Variants in PCDHGB1 observed in about 807,000 individuals in gnomAD.
PCDHGB1 encodes protocadherin gamma-B1.
Under a neutral mutation model 56.6 loss-of-function variants are expected in PCDHGB1, and 34 were observed. The observed-to-expected ratio is 0.60, with a 90% CI of 0.46 to 0.80. The LOEUF (loss-of-function observed/expected upper bound fraction) is 0.80, where lower values mean the gene tolerates loss of function less well. PCDHGB1 is among the 30% of genes least tolerant of loss of function. The pLI is 0.00. For missense variants in PCDHGB1, 1,278 were observed against 1,204.6 expected (o/e 1.06, Z -0.90); for synonymous variants, 561 against 505.9 (o/e 1.11, Z -1.46).
chr5:141,356,762 A>T lies in PCDHGB1; in HGVS notation c.2409+4093A>T, dbSNP rs1431097659. 9 of 1,613,834 alleles carry T rather than the reference A, an allele frequency of 5.6e-6. No homozygotes were observed. The South Asian group carries it at 8.8e-5, about 16-fold the overall frequency. On this transcript the variant is annotated intron_variant, in intron 1 of 3. Transcript: ENST00000523390. ...ATCCTATATGCTCTTTGCTCCTTCG[A>T]CTATGAGCAGTTTAGAGACCTGCAG...
At chr5:141,352,825 T>C (rs1759120516) in intron 1 of PCDHGB1, 156 bp downstream of exon 1, 2 of 778,004 alleles carry the variant, frequency 2.6e-6, no homozygotes, top group Non-Finnish European at 4.0e-6. Flanking sequence ...CCCGGTCTAC[T>C]AAAATTACAA....
chr5:141,375,809 G>A (rs912938777), intron 1 of PCDHGB1: 92 of 1,614,084 alleles, frequency 5.7e-5, no homozygotes, highest in Non-Finnish European at 7.3e-5. Flanking sequence ...CACTGGCGTG[G>A]AGCTGGCGCC....
At chr5:141,425,110 C>T (rs1335909720) in intron 1 of PCDHGB1, among the ~76,000 whole-genome samples, 1 of 152,166 alleles carries the variant, frequency 6.6e-6, no homozygotes, top group East Asian at 1.9e-4. Context: ...CAGATGCCTA[C>T]ATTTTTCTTG....
At chr5:141,482,761 ATT>A (rs2099571906) in intron 1 of PCDHGB1, among the ~76,000 whole-genome samples, 1 of 127,370 alleles carries the variant, frequency 7.9e-6, no homozygotes, top group Admixed American at 7.7e-5. Flanking sequence ...ATGGTATTTC[ATT>A]ATCACTGAAC....
At chr5:141,464,913 AT>A (rs1366203949) in intron 1 of PCDHGB1, among the ~76,000 whole-genome samples, 1 of 151,428 alleles carries the variant, frequency 6.6e-6, no homozygotes, top group Non-Finnish European at 1.5e-5. Context: ...TAATTTTTTT[AT>A]TTTTTTGTAG....
Position 141,394,523 on chromosome 5 carries a change from C to A in PCDHGB1, c.2409+41854C>A, listed in dbSNP as rs373702756. ...TCCTGTACCCCGCCCTCCCCACAGACGGTTCCACTGGCGTGGAGCTGGCGC... is the reference window on the plus strand; with the variant it reads ...TCCTGTACCCCGCCCTCCCCACAGAAGGTTCCACTGGCGTGGAGCTGGCGC... On this transcript the variant is annotated intron_variant, in intron 1 of 3. Transcript: ENST00000523390. The A allele has an allele frequency of 1.1e-5, 17 of 1,614,116 alleles. No homozygotes were observed. The highest frequency in any genetic ancestry group is 5.3e-5 in the African/African-American group (4 of 74,950).
chr5:141,428,055 G>C (rs1232516220), intron 1 of PCDHGB1: 8 of 1,608,952 alleles, frequency 5.0e-6, no homozygotes, highest in African/African-American at 1.3e-5. Context: ...CAAGGTGGTG[G>C]CGGTGGACGC....
chr5:141,487,109 G>A lies in PCDHGB1; in HGVS notation c.2410-7698G>A. 2 of 1,614,122 alleles carry A rather than the reference G, an allele frequency of 1.2e-6. No homozygotes were observed. Among genetic ancestry groups the A allele is most frequent in the Non-Finnish European group, 1.7e-6 (2 of 1,180,004 alleles). ...CCTCCCACCACAGAAGCTGGTCATTGTGGTAAAGGATAGTGGTAGTCCACC... is the reference window on the plus strand; with the variant it reads ...CCTCCCACCACAGAAGCTGGTCATTATGGTAAAGGATAGTGGTAGTCCACC... On this transcript the variant is annotated intron_variant, in intron 1 of 3. Transcript: ENST00000523390. This position sits in a 1 kb window ranked among gnomAD's most constrained non-coding sequence, Gnocchi z 5.0.
At chr5:141,440,275 T>C (rs913705052) in intron 1 of PCDHGB1, 14 of 152,120 alleles carry the variant, frequency 9.2e-5, no homozygotes, top group African/African-American at 3.1e-4. Flanking sequence ...GAGACCAGCC[T>C]GACCAACATA....
At position 141,393,973 on chromosome 5, in the gene PCDHGB1, G is replaced by A. The variant is rs776954838; in HGVS notation, c.2409+41304G>A. ...AATGGTCAAGTTGTCTGTTACACAC[G>A]TGATAATTTACCTTTTAAATTAGAA... On this transcript the variant is annotated intron_variant, in intron 1 of 3. Transcript: ENST00000523390. 3.1e-6 allele frequency: 5 copies of A among 1,613,784 alleles called. No individual in the cohort carries two copies. The South Asian group carries it at 5.5e-5, about 18-fold the overall frequency.
At chr5:141,361,007 T>A (rs1437909553) in intron 1 of PCDHGB1, 2 of 1,613,400 alleles carry the variant, frequency 1.2e-6, no homozygotes, top group Non-Finnish European at 1.7e-6. Flanking sequence ...GTGAAACACT[T>A]TTTCAACTTA....
At chr5:141,387,214 A>G (rs189405322) in intron 1 of PCDHGB1, among the ~76,000 whole-genome samples, 1 of 152,346 alleles carries the variant, frequency 6.6e-6, no homozygotes, top group African/African-American at 2.4e-5. Context: ...TACTCTCCGG[A>G]AAAAGTTGAA....
intron 1 of PCDHGB1, chr5:141,419,707 C>T (rs781629810): frequency 4.6e-5 from 74 of 1,613,062 alleles, no homozygotes; most frequent in Middle Eastern, 1.7e-4. Flanking sequence ...AGCCCGGGCT[C>T]TTCAGCCTGG....
At position 141,350,606 on chromosome 5, in the gene PCDHGB1, G is replaced by T. The variant is rs760936917; in HGVS notation, c.346G>T (p.Val116Leu). ...VAENPMNVFH[V>L]VVVIQDINDN... ...TGAAAACCCAATGAATGTTTTCCAC[G>T]TGGTTGTTGTAATCCAAGATATTAA... Residue 116 changes from valine to leucine, a missense_variant, in exon 1 of 4, where the codon GTG becomes TTG. Val to Leu is a conservative substitution (Grantham distance 32, BLOSUM62 1). Transcript: ENST00000523390. The T allele has an allele frequency of 3.1e-6, 5 of 1,614,048 alleles. No homozygotes were observed. In the Admixed American group the frequency reaches 6.7e-5, roughly 22 times the overall value.
intron 1 of PCDHGB1, chr5:141,408,303 G>T: frequency 1.2e-6 from 2 of 1,613,794 alleles, no homozygotes; most frequent in South Asian, 1.1e-5. Context: ...GAGCCGATCC[G>T]CTACTCGATT....
At chr5:141,389,572 C>T in intron 1 of PCDHGB1, 3 of 1,613,282 alleles carry the variant, frequency 1.9e-6, no homozygotes, top group Non-Finnish European at 2.5e-6. Flanking sequence ...GTGCTGTACC[C>T]CGCGCTGGGT....
At chr5:141,376,704 G>T in intron 1 of PCDHGB1, 1 of 620,824 alleles carries the variant, frequency 1.6e-6, no homozygotes. Flanking sequence ...TTTTGAGACG[G>T]AGTCTCGCTC....
chr5:141,433,220 T>A (rs781745522), intron 1 of PCDHGB1: 2 of 1,509,720 alleles, frequency 1.3e-6, no homozygotes, highest in Non-Finnish European at 1.8e-6. Flanking sequence ...TTTTTTTTTT[T>A]AATTGCTCTG....
intron 2 of PCDHGB1, among the ~76,000 whole-genome samples, chr5:141,504,141 T>C (rs1289360763): frequency 6.6e-6 from 1 of 152,192 alleles, no homozygotes; most frequent in East Asian, 1.9e-4. Flanking sequence ...AACACTCCCC[T>C]GCAAATTGAA....
Sources: allele counts gnomAD v4.1 joint callset (sites outside exome capture counted in the v4.1 genomes callset), GRCh38; gene constraint gnomAD v4.1.1; non-coding constraint Gnocchi (gnomAD v3.1); transcripts MANE v1.5; gene names NCBI Gene and HGNC (gene_info 2026-07-23, HGNC 2026-07-21).